RANBP2: variants seen among roughly 807,000 people sequenced by gnomAD.
RANBP2 encodes the protein RAN binding protein 2, also known as E3 SUMO-protein ligase RanBP2.
Under a neutral mutation model 303.6 loss-of-function variants are expected in RANBP2, and 57 were observed. That is an observed-to-expected ratio of 0.19 (90% CI 0.15 to 0.23). RANBP2 has a LOEUF of 0.23. Ranked by LOEUF, RANBP2 falls within the 10% of genes least tolerant of loss-of-function variation. The probability of loss-of-function intolerance (pLI) is 1.00; values close to 1 mark genes in which losing one functional copy is unlikely to be tolerated. For synonymous variants in RANBP2, 1,167 were observed against 1,301.5 expected, an observed-to-expected ratio of 0.90 and a Z score of 2.23; for missense variants, 3,138 against 3,780.8, an observed-to-expected ratio of 0.83 and a Z score of 4.46.
At chr2:109,434,980 C>T in the RANBP2 span, among the ~76,000 whole-genome samples, 11 of 152,166 alleles carry the variant, frequency 7.2e-5, no homozygotes, top group Admixed American at 2.6e-4. Context: ...TAGAGTGGCC[C>T]GGTCCCCTCC....
the RANBP2 span, among the ~76,000 whole-genome samples, chr2:109,431,237 A>C: frequency 6.6e-6 from 1 of 152,234 alleles, no homozygotes; most frequent in Admixed American, 6.5e-5. Flanking sequence ...GGATAGGGTC[A>C]GCATCCCCAC....
chr2:109,169,524 C>A, the RANBP2 span, among the ~76,000 whole-genome samples: 1 of 151,942 alleles, frequency 6.6e-6, no homozygotes, highest in African/African-American at 2.4e-5. Context: ...GGTCATGGGT[C>A]CATTTTCATT....
chr2:109,323,690 A>G, the RANBP2 span, among the ~76,000 whole-genome samples: 3 of 152,298 alleles, frequency 2.0e-5, no homozygotes, highest in Admixed American at 2.0e-4. Context: ...CCTCGAGGAG[A>G]TAAGGTGAAG....
chr2:108,929,208 A>G, the RANBP2 span: 1 of 1,614,068 alleles, frequency 6.2e-7, no homozygotes, highest in Non-Finnish European at 8.5e-7. Flanking sequence ...CCAGGGAGGC[A>G]AGGGCCACAC....
the RANBP2 span, among the ~76,000 whole-genome samples, chr2:109,259,008 G>A: frequency 6.6e-6 from 1 of 152,238 alleles, no homozygotes; most frequent in Admixed American, 6.5e-5. Context: ...TGTGGGGTCA[G>A]CTCACTGTGT....
chr2:109,565,060 T>C, the RANBP2 span, among the ~76,000 whole-genome samples: 584 of 152,302 alleles, frequency 3.8e-3, 2 homozygotes, highest in African/African-American at 0.013. Context: ...TACATGATCC[T>C]TCTTCTATGT....
the RANBP2 span, among the ~76,000 whole-genome samples, chr2:109,168,609 T>C: frequency 5.3e-5 from 8 of 152,170 alleles, no homozygotes; most frequent in Non-Finnish European, 1.0e-4. Context: ...GATCTGGCCG[T>C]AGGTGGTAAG....
chr2:109,350,202 G>C, the RANBP2 span, among the ~76,000 whole-genome samples: 2 of 152,208 alleles, frequency 1.3e-5, no homozygotes, highest in African/African-American at 4.8e-5. Flanking sequence ...TAGCCGAGCA[G>C]GGGTCCATCT....
the RANBP2 span, among the ~76,000 whole-genome samples, chr2:109,173,582 G>A: frequency 2.4e-4 from 36 of 152,254 alleles, no homozygotes; most frequent in African/African-American, 7.9e-4. Flanking sequence ...TGCGGGGAAG[G>A]CCACACAGAC....
At chr2:109,498,743 C>T in the RANBP2 span, among the ~76,000 whole-genome samples, 3 of 152,166 alleles carry the variant, frequency 2.0e-5, no homozygotes, top group African/African-American at 7.2e-5. Flanking sequence ...TGCAGTAATC[C>T]CTGTGGCGAT....
the RANBP2 span, among the ~76,000 whole-genome samples, chr2:108,812,189 A>G: frequency 6.6e-6 from 1 of 152,180 alleles, no homozygotes; most frequent in African/African-American, 2.4e-5. Flanking sequence ...TCCTTTCCAT[A>G]TATAGGAAGT....
At chr2:109,187,177 C>G in the RANBP2 span, among the ~76,000 whole-genome samples, 2 of 152,222 alleles carry the variant, frequency 1.3e-5, no homozygotes, top group African/African-American at 4.8e-5. Flanking sequence ...GTCGTCATTA[C>G]AAGAAAGTAT....
At chr2:108,739,477 A>G (rs1047788733) in intron 6 of RANBP2, among the ~76,000 whole-genome samples, 2 of 152,146 alleles carry the variant, frequency 1.3e-5, no homozygotes, top group Non-Finnish European at 2.9e-5. Context: ...TTTTTTTGGT[A>G]TTATCGTAAA....
chr2:109,631,822 T>C, the RANBP2 span, among the ~76,000 whole-genome samples: 1 of 152,150 alleles, frequency 6.6e-6, no homozygotes, highest in Admixed American at 6.5e-5. Context: ...GTCTAGTCTT[T>C]GTCCTGAATT....
the RANBP2 span, among the ~76,000 whole-genome samples, chr2:109,730,348 G>A: frequency 6.6e-6 from 1 of 152,154 alleles, no homozygotes; most frequent in Admixed American, 6.5e-5. Context: ...AGAATAAAAA[G>A]TGAGTTTACT....
the RANBP2 span, among the ~76,000 whole-genome samples, chr2:109,132,488 G>A: frequency 6.6e-6 from 1 of 152,158 alleles, no homozygotes; most frequent in African/African-American, 2.4e-5. Flanking sequence ...TCTCAGCTCT[G>A]CTCTCACCTG....
At chr2:109,066,566 A>T in the RANBP2 span, among the ~76,000 whole-genome samples, 1 of 152,154 alleles carries the variant, frequency 6.6e-6, no homozygotes, top group South Asian at 2.1e-4. Context: ...CTACTGAAAG[A>T]AACGCAGTTG....
At chr2:109,051,770 A>G in the RANBP2 span, among the ~76,000 whole-genome samples, 1 of 149,666 alleles carries the variant, frequency 6.7e-6, no homozygotes, top group African/African-American at 2.5e-5. Context: ...TTTTTTTGAG[A>G]CAGAGTCTCG....
At chr2:109,281,404 G>A in the RANBP2 span, among the ~76,000 whole-genome samples, 4 of 152,202 alleles carry the variant, frequency 2.6e-5, no homozygotes, top group African/African-American at 7.2e-5. Flanking sequence ...CTGCCGATGT[G>A]ACAGTCTCAG....
Sources: gnomAD v4.1 joint callset for allele counts (sites outside exome capture counted in the v4.1 genomes callset) on GRCh38, gnomAD v4.1.1 for gene constraint, MANE v1.5 for transcripts, NCBI Gene and HGNC (gene_info 2026-07-23, HGNC 2026-07-21) for gene names.